Variants in PPP3CB observed in about 807,000 individuals in gnomAD.
PPP3CB encodes serine/threonine-protein phosphatase 2B catalytic subunit beta isoform.
PPP3CB carries 8 observed loss-of-function variants against 66.4 expected under a neutral mutation model. The observed-to-expected ratio is 0.12, with a 90% confidence interval of 0.07 to 0.22. PPP3CB has a LOEUF of 0.22. PPP3CB is among the 10% of genes least tolerant of loss of function. PPP3CB has a pLI of 1.00. For missense variants in PPP3CB, 319 were observed against 642.5 expected, an observed-to-expected ratio of 0.50 and a Z score of 5.44; for synonymous variants, 208 against 221.2, an observed-to-expected ratio of 0.94 and a Z score of 0.53.
At position 73,495,949 on chromosome 10, in the gene PPP3CB, C is replaced by T. The variant is rs2057222210; in HGVS notation, c.-60G>A. The stretch of plus-strand genomic sequence containing the variant: ...GCGGGGTTGGGGGCGGGGGCGGCGG[C>T]TACCAGAGCCAAGCGGCGGCGCCGC... On this transcript the variant is annotated 5_prime_UTR_variant, in exon 1 of 14. The change abolishes the stop of an existing upstream ORF in the 5' untranslated region. Coordinates refer to ENST00000360663, the MANE Select transcript of PPP3CB (RefSeq NM_021132.4). The T allele has an allele frequency of 3.8e-6, 4 of 1,052,026 alleles. No homozygotes were observed. The highest frequency in any genetic ancestry group is 8.8e-5 in the Admixed American group (2 of 22,710). The allele number at this position is 1,052,026 out of a possible 1,614,324, so 65.2% of individuals were successfully genotyped here.
intron 1 of PPP3CB, among the ~76,000 whole-genome samples, chr10:73,490,518 T>C (rs2057055065): frequency 6.6e-6 from 1 of 152,222 alleles, no homozygotes; most frequent in African/African-American, 2.4e-5. Flanking sequence ...GCTTATTTCA[T>C]CTCTGTGTAT....
At chr10:73,478,400 TA>T in intron 3 of PPP3CB, 98 bp downstream of exon 3, 1 of 1,087,112 alleles carries the variant, frequency 9.2e-7, no homozygotes, top group Non-Finnish European at 1.3e-6. Flanking sequence ...GCAGAGTTAT[TA>T]AAAAAACCTA....
intron 12 of PPP3CB, among the ~76,000 whole-genome samples, chr10:73,441,280 G>C (rs945653748): frequency 6.6e-6 from 1 of 152,184 alleles, no homozygotes; most frequent in African/African-American, 2.4e-5. Context: ...AATAAAGGAA[G>C]AGTTAATTTT....
At chr10:73,478,466 A>G (rs371041288) in intron 3 of PPP3CB, 33 bp downstream of exon 3, 188 of 1,583,018 alleles carry the variant, frequency 1.2e-4, no homozygotes, top group Non-Finnish European at 1.6e-4. Context: ...TTAACACTTA[A>G]CAGCAAATCA....
At chr10:73,467,498 C>T (rs577379410) in intron 9 of PPP3CB, 55 bp downstream of exon 9, 2 of 1,336,444 alleles carry the variant, frequency 1.5e-6, no homozygotes, top group Non-Finnish European at 2.0e-6. Flanking sequence ...TGATAGTAAA[C>T]TGGAGTAAAT....
At chr10:73,441,189 A>C (rs985870141) in intron 12 of PPP3CB, among the ~76,000 whole-genome samples, 3 of 152,262 alleles carry the variant, frequency 2.0e-5, no homozygotes, top group Non-Finnish European at 4.4e-5. Context: ...TAAGGTATTA[A>C]AGTGAACTAA....
chr10:73,471,692 T>G, intron 4 of PPP3CB, 79 bp from the exon 5 acceptor site: 1 of 1,140,642 alleles, frequency 8.8e-7, no homozygotes, highest in South Asian at 1.7e-5. Context: ...TATTAGATTT[T>G]TATTTCTTGT....
chr10:73,481,289 TG>T (rs1159704858), intron 1 of PPP3CB, among the ~76,000 whole-genome samples: 2 of 150,774 alleles, frequency 1.3e-5, no homozygotes, highest in Non-Finnish European at 2.9e-5. Flanking sequence ...CTGGCCAACA[TG>T]GTGAAACCCC....
chr10:73,487,037 T>G (rs112262224), intron 1 of PPP3CB, among the ~76,000 whole-genome samples: 7,096 of 151,882 alleles, frequency 0.047, 507 homozygotes, highest in African/African-American at 0.15. Context: ...GGGCATGGTG[T>G]CGGGCTCCTA....
intron 9 of PPP3CB, among the ~76,000 whole-genome samples, chr10:73,459,479 C>T (rs1463729589): frequency 6.6e-6 from 1 of 152,270 alleles, no homozygotes; most frequent in Non-Finnish European, 1.5e-5. Context: ...GAGCAAGATT[C>T]TGTCTCAAAA....
intron 11 of PPP3CB, among the ~76,000 whole-genome samples, chr10:73,445,903 C>T (rs1468276205): frequency 6.6e-6 from 1 of 151,978 alleles, no homozygotes; most frequent in African/African-American, 2.4e-5. Context: ...CATGCACCAC[C>T]ACATCCAGTT....
At chr10:73,482,687 G>C (rs1042774405) in intron 1 of PPP3CB, among the ~76,000 whole-genome samples, 1 of 150,566 alleles carries the variant, frequency 6.6e-6, no homozygotes, top group Non-Finnish European at 1.5e-5. Context: ...GCGAGATCTC[G>C]GCTCACTACA....
At chr10:73,446,108 C>CT (rs770474339) in intron 11 of PPP3CB, among the ~76,000 whole-genome samples, 6,917 of 138,134 alleles carry the variant, frequency 0.05, 475 homozygotes, top group African/African-American at 0.16. Flanking sequence ...TTTTTTCTTT[C>CT]TTTTTTTTTT....
chr10:73,488,442 G>A lies in PPP3CB; in HGVS notation c.85+7363C>T, dbSNP rs564559464. ...TGTGCCTGTAGTCCCAGCTACTTGG[G>A]AGGCTGAGTTGGGGGATCGCTTGAG... On this transcript the variant is annotated intron_variant, in intron 1 of 13. Coordinates refer to ENST00000360663, the MANE Select transcript of PPP3CB (RefSeq NM_021132.4). Among the ~76,000 whole-genome samples, 308 of 151,956 alleles carry A rather than the reference G, an allele frequency of 2.0e-3. 2 individuals carry two copies. The highest frequency in any genetic ancestry group is 2.9e-3 in the Non-Finnish European group (194 of 67,964).
intron 3 of PPP3CB, chr10:73,477,210 T>C (rs759670056): frequency 3.9e-6 from 2 of 518,760 alleles, no homozygotes; most frequent in Non-Finnish European, 7.7e-6. Flanking sequence ...GCCTAGAACA[T>C]GCTTAGAACA....
Position 73,437,457 on chromosome 10 carries a change from T to C in PPP3CB, c.*785A>G, listed in dbSNP as rs531802413. On this transcript the variant is annotated 3_prime_UTR_variant, in exon 14 of 14. Coordinates refer to ENST00000360663, the MANE Select transcript of PPP3CB (RefSeq NM_021132.4). ...TTTACAGACATGATTTGAATTAAAATTTACTTTGACAATGTACAAACTTCT... is the reference window on the plus strand; with the variant it reads ...TTTACAGACATGATTTGAATTAAAACTTACTTTGACAATGTACAAACTTCT... 1 of 152,754 alleles carries C rather than the reference T, an allele frequency of 6.5e-6. No homozygotes were observed. Among genetic ancestry groups the C allele is most frequent in the East Asian group, 1.9e-4 (1 of 5,192 alleles). 9.5% of individuals were successfully genotyped at this position (152,754 alleles called of 1,614,324 possible). A position where few individuals can be genotyped will look rare whatever the true frequency, so the allele number is the denominator to read the frequency against.
chr10:73,465,959 A>G (rs1297437116), intron 9 of PPP3CB, among the ~76,000 whole-genome samples: 3 of 152,354 alleles, frequency 2.0e-5, no homozygotes, highest in Admixed American at 6.5e-5. Context: ...AAGAAAAACA[A>G]CAAAAATGGT....
intron 1 of PPP3CB, among the ~76,000 whole-genome samples, chr10:73,482,205 T>C (rs1435023377): frequency 6.6e-6 from 1 of 151,868 alleles, no homozygotes; most frequent in Non-Finnish European, 1.5e-5. Flanking sequence ...TCAGAGAATT[T>C]TTTTTTTTTT....
intron 12 of PPP3CB, among the ~76,000 whole-genome samples, chr10:73,441,248 A>G (rs1402304469): frequency 6.6e-6 from 1 of 152,228 alleles, no homozygotes; most frequent in Non-Finnish European, 1.5e-5. Flanking sequence ...TTGGGGACCC[A>G]AAAGAATTAG....
Sources: gnomAD v4.1 joint callset for allele counts (sites outside exome capture counted in the v4.1 genomes callset) on GRCh38, gnomAD v4.1.1 for gene constraint, MANE v1.5 for transcripts, NCBI Gene and HGNC (gene_info 2026-07-23, HGNC 2026-07-21) for gene names.